Variants in GPATCH11 observed in about 807,000 individuals in gnomAD.
The protein encoded by GPATCH11 is G patch domain-containing protein 11.
Under a neutral mutation model 44.8 loss-of-function variants are expected in GPATCH11, and 32 were observed. The observed-to-expected ratio is 0.71, with a 90% confidence interval of 0.54 to 0.96. The LOEUF (loss-of-function observed/expected upper bound fraction) is 0.96, where lower values mean the gene tolerates loss of function less well. Ranked by LOEUF, GPATCH11 falls within the 40% of genes least tolerant of loss-of-function variation. The probability of loss-of-function intolerance (pLI) is 0.00; values close to 1 mark genes in which losing one functional copy is unlikely to be tolerated. For synonymous variants in GPATCH11, 84 were observed against 94.4 expected, an observed-to-expected ratio of 0.89 and a Z score of 0.64; for missense variants, 324 against 303.1, an observed-to-expected ratio of 1.07 and a Z score of -0.51.
chr2:37,093,067 G>T (rs1224857742), intron 6 of GPATCH11, among the ~76,000 whole-genome samples: 1 of 152,156 alleles, frequency 6.6e-6, no homozygotes, highest in Non-Finnish European at 1.5e-5. Context: ...AATCACTTGA[G>T]CCCAGAAGGT....
chr2:37,089,433 C>T (rs960057068), intron 2 of GPATCH11, among the ~76,000 whole-genome samples: 1 of 151,926 alleles, frequency 6.6e-6, no homozygotes, highest in Admixed American at 6.6e-5. Context: ...CGGGCATGGT[C>T]GTGGGCGCCT....
intron 2 of GPATCH11, among the ~76,000 whole-genome samples, chr2:37,089,392 C>T (rs1673196652): frequency 6.6e-6 from 1 of 151,962 alleles, no homozygotes; most frequent in African/African-American, 2.4e-5. Flanking sequence ...CATGGCAAAA[C>T]CCCGTCTCTA....
At chr2:37,090,585 A>T (rs1439807615) in intron 3 of GPATCH11, 96 bp from the exon 4 acceptor site, 1 of 633,628 alleles carries the variant, frequency 1.6e-6, no homozygotes, top group Non-Finnish European at 2.8e-6. Context: ...TTGAAACAGG[A>T]GGGCATATGC....
intron 6 of GPATCH11, among the ~76,000 whole-genome samples, chr2:37,092,625 G>A (rs897040172): frequency 1.3e-5 from 2 of 150,038 alleles, no homozygotes; most frequent in Admixed American, 1.3e-4. Flanking sequence ...TGAGTTGTCT[G>A]GGTTACTATA....
At chr2:37,088,635 G>C (rs1020944272) in intron 2 of GPATCH11, among the ~76,000 whole-genome samples, 195 bp downstream of exon 2, 7 of 152,076 alleles carry the variant, frequency 4.6e-5, no homozygotes, top group Non-Finnish European at 8.8e-5. Context: ...TCCCATCTTG[G>C]CCTCCCGAGT....
chr2:37,094,735 A>G (rs1258462660), intron 7 of GPATCH11, among the ~76,000 whole-genome samples: 1 of 152,184 alleles, frequency 6.6e-6, no homozygotes, highest in Non-Finnish European at 1.5e-5. Context: ...TGAGGTCAGG[A>G]GTTTAAGACC....
At chr2:37,095,543 T>A (rs1055173478) in intron 8 of GPATCH11, 25 bp downstream of exon 8, 2 of 1,553,654 alleles carry the variant, frequency 1.3e-6, no homozygotes, top group African/African-American at 2.8e-5. Context: ...TTATGCTTTT[T>A]AAAAATAGAT....
At position 37,098,705 on chromosome 2, in the gene GPATCH11, G is replaced by T. The variant is rs1173295706; in HGVS notation, c.*2442G>T. The T allele has an allele frequency of 1.3e-5, 2 of 152,200 alleles. No individual in the cohort carries two copies. The highest frequency in any genetic ancestry group is 2.9e-5 in the Non-Finnish European group (2 of 68,046). The allele number at this position is 152,200 out of a possible 1,614,324, so 9.4% of individuals were successfully genotyped here. A position where few individuals can be genotyped will look rare whatever the true frequency, so the allele number is the denominator to read the frequency against. On this transcript the variant is annotated 3_prime_UTR_variant, in exon 9 of 9. Transcript: ENST00000674370. ...ACAGGCCTAGTACTAGAACTAGACC[G>T]GCTTAGAGAGTGGGAGATATCCCTC...
chr2:37,093,021 C>T (rs1244703591), intron 6 of GPATCH11, among the ~76,000 whole-genome samples: 1 of 152,076 alleles, frequency 6.6e-6, no homozygotes, highest in Non-Finnish European at 1.5e-5. Context: ...TGGCACACAC[C>T]TGTAGTCCTA....
intron 4 of GPATCH11, among the ~76,000 whole-genome samples, chr2:37,091,180 C>A (rs540641051): frequency 6.6e-6 from 1 of 151,966 alleles, no homozygotes; most frequent in South Asian, 2.1e-4. Flanking sequence ...CAGAATTAGC[C>A]GGGCATGGTG....
intron 7 of GPATCH11, among the ~76,000 whole-genome samples, chr2:37,095,170 T>C (rs1012840251): frequency 2.0e-5 from 3 of 152,166 alleles, no homozygotes; most frequent in African/African-American, 7.2e-5. Context: ...CTTTAAAGGA[T>C]GCCAATTTTA....
At position 37,096,341 on chromosome 2, in the gene GPATCH11, A is replaced by C; in HGVS notation, c.*78A>C. ...AGACAATTTAGCAGTTGGAAATCTCAAATTTTTTATGCCAGTAAAGAAAGG... is the reference window on the plus strand; with the variant it reads ...AGACAATTTAGCAGTTGGAAATCTCCAATTTTTTATGCCAGTAAAGAAAGG... On this transcript the variant is annotated 3_prime_UTR_variant, in exon 9 of 9. Coordinates refer to ENST00000674370, the MANE Select transcript of GPATCH11 (RefSeq NM_174931.4). 1 of 891,512 alleles carries C rather than the reference A, an allele frequency of 1.1e-6. No individual in the cohort carries two copies. 55.2% of individuals were successfully genotyped at this position (891,512 alleles called of 1,614,324 possible). A position where few individuals can be genotyped will look rare whatever the true frequency, so the allele number is the denominator to read the frequency against.
intron 1 of GPATCH11, among the ~76,000 whole-genome samples, chr2:37,085,596 C>T (rs1049915637): frequency 6.6e-6 from 1 of 152,050 alleles, no homozygotes; most frequent in African/African-American, 2.4e-5. Flanking sequence ...GAAATGATTG[C>T]CATAAAAAAC....
chr2:37,092,072 C>A, intron 5 of GPATCH11, 36 bp downstream of exon 5: 2 of 1,610,308 alleles, frequency 1.2e-6, no homozygotes, highest in Non-Finnish European at 1.7e-6. Context: ...GGTTCTATTT[C>A]CTCTTTATTG....
intron 1 of GPATCH11, 37 bp from the exon 2 acceptor site, chr2:37,088,332 A>G: frequency 9.4e-7 from 1 of 1,063,098 alleles, no homozygotes; most frequent in South Asian, 1.6e-5. Flanking sequence ...CCATTCTGAT[A>G]AACTAAAAAA....
chr2:37,096,953 T>TC lies in GPATCH11; in HGVS notation c.*694dup, dbSNP rs70949728. 0.9 allele frequency: 136,773 copies of TC among 152,134 alleles called. 62,084 individuals are homozygous for TC. Among genetic ancestry groups the TC allele is most frequent in the East Asian group, 1 (5,166 of 5,170 alleles). The allele number at this position is 152,134 out of a possible 1,614,324, so 9.4% of individuals were successfully genotyped here. A position where few individuals can be genotyped will look rare whatever the true frequency, so the allele number is the denominator to read the frequency against. On this transcript the variant is annotated 3_prime_UTR_variant, in exon 9 of 9. Transcript: ENST00000674370. ...AGCATGAAGAGGAGGGGAAAAGTAT[T>TC]CCCCTCAATAAGGCTGATGTCAGAG...
chr2:37,095,622 G>A, intron 8 of GPATCH11, 104 bp downstream of exon 8: 1 of 1,258,100 alleles, frequency 7.9e-7, no homozygotes, highest in South Asian at 2.0e-5. Context: ...CCATTCAAAT[G>A]GCAGTATGGG....
intron 2 of GPATCH11, 24 bp downstream of exon 2, chr2:37,088,464 G>A: frequency 2.7e-6 from 3 of 1,107,402 alleles, no homozygotes; most frequent in Non-Finnish European, 4.1e-6. Context: ...CACACCCAGT[G>A]CAATGATATG....
chr2:37,089,690 G>A lies in GPATCH11; in HGVS notation c.110G>A (p.Arg37His), dbSNP rs191271772. The change falls in exon 3 of 9, where the codon CGT (arginine) becomes CAT (histidine). Residue 37 changes from arginine (R) to histidine (H), a missense_variant. Transcript: ENST00000674370. ...LPMLRQIREA[R>H]RKEEKQQEAN... ...ATGCTAAGGCAAATCCGAGAAGCCCGTCGAAAAGAAGAAAAGCAACAGGAA... is the reference window on the plus strand; with the variant it reads ...ATGCTAAGGCAAATCCGAGAAGCCCATCGAAAAGAAGAAAAGCAACAGGAA... 4.5e-6 allele frequency: 7 copies of A among 1,551,620 alleles called. No homozygotes were observed. Among genetic ancestry groups the A allele is most frequent in the Admixed American group, 3.9e-5 (2 of 50,984 alleles).
Sources: gnomAD v4.1 joint callset for allele counts (sites outside exome capture counted in the v4.1 genomes callset) on GRCh38, gnomAD v4.1.1 for gene constraint, MANE v1.5 for transcripts, NCBI Gene and HGNC (gene_info 2026-07-23, HGNC 2026-07-21) for gene names.